The following DMTN variants were observed in gnomAD, a reference collection of about 807,000 sequenced individuals.
DMTN encodes the protein dematin actin binding protein, also known as dematin.
In DMTN, 27 loss-of-function variants were observed where a neutral mutation model predicts 59.4. That is an observed-to-expected ratio of 0.45 (90% confidence interval 0.33 to 0.63). The LOEUF (loss-of-function observed/expected upper bound fraction) is 0.63, where lower values mean the gene tolerates loss of function less well. DMTN is among the 20% of genes least tolerant of loss of function. The pLI is 0.02. For missense variants in DMTN, 451 were observed against 528.9 expected (o/e 0.85, Z 1.45); for synonymous variants, 221 against 203.7 (o/e 1.08, Z -0.72).
rs1224680181 is a variant in DMTN at position 22,080,242 on chromosome 8, C to T, written c.898C>T (p.Arg300Trp). 7.4e-6 allele frequency: 12 copies of T among 1,614,114 alleles called. No homozygotes were observed. Among genetic ancestry groups the T allele is most frequent in the South Asian group, 3.3e-5 (3 of 91,092 alleles). The change falls in exon 11 of 16, where the codon CGG becomes TGG. Residue 300 changes from arginine (R) to tryptophan (W), a missense_variant and splice_region_variant. Coordinates refer to ENST00000358242, the MANE Select transcript of DMTN (RefSeq NM_001387751.1). ...LPAYGRTTLS[R>W]LQSTEFSPSG... is the part of the protein sequence containing the mutation. ...CGCCTATGGCAGGACCACCCTGAGC[C>T]GGGTAAGGTCTCAGGACCAGAGATA...
upstream of DMTN, among the ~76,000 whole-genome samples, chr8:22,050,226 G>A (rs1266541109): frequency 1.3e-5 from 2 of 152,128 alleles, no homozygotes; most frequent in African/African-American, 2.4e-5. Context: ...GGGACTTAAC[G>A]GGGGCAACAC....
chr8:22,062,887 AC>A (rs1807676422), intron 1 of DMTN, among the ~76,000 whole-genome samples: 2 of 151,140 alleles, frequency 1.3e-5, no homozygotes, highest in South Asian at 4.2e-4. Flanking sequence ...ACAAAGACTC[AC>A]TAGAGACTTC....
upstream of DMTN, chr8:22,049,098 C>T (rs1470575022): frequency 6.7e-6 from 1 of 149,790 alleles, no homozygotes; most frequent in African/African-American, 2.4e-5. Flanking sequence ...GGACGTGCAT[C>T]CAGCCGGGCC....
At position 22,058,866 on chromosome 8, in the gene DMTN, G is replaced by A. The variant is rs1326763356; in HGVS notation, c.-172+1730G>A. On this transcript the variant is annotated intron_variant, in intron 1 of 15. Coordinates refer to ENST00000358242, the MANE Select transcript of DMTN (RefSeq NM_001387751.1). This position sits in a 1 kb window ranked among gnomAD's most constrained non-coding sequence, Gnocchi z 4.3. ...CTTCGCCTAAGTAAGGGACACCTCT[G>A]ATGAGCCACTGGCCCAGAGCAGGCC... Among the ~76,000 whole-genome samples the A allele has an allele frequency of 6.6e-6, 1 of 152,220 alleles. No homozygotes were observed. Among genetic ancestry groups the A allele is most frequent in the African/African-American group, 2.4e-5 (1 of 41,466 alleles).
At chr8:22,078,978 T>A (rs1821870862) in intron 10 of DMTN, among the ~76,000 whole-genome samples, 1 of 151,590 alleles carries the variant, frequency 6.6e-6, no homozygotes, top group Admixed American at 6.6e-5. Flanking sequence ...TTTTGTATTT[T>A]TAGTCGAGAC....
intron 1 of DMTN, among the ~76,000 whole-genome samples, chr8:22,063,527 T>C (rs1280448364): frequency 6.6e-6 from 1 of 152,206 alleles, no homozygotes; most frequent in Non-Finnish European, 1.5e-5. Flanking sequence ...AGGGCCTCCA[T>C]GATCTGGCCT....
upstream of DMTN, among the ~76,000 whole-genome samples, chr8:22,049,511 C>A (rs1284014009): frequency 3.3e-5 from 5 of 151,936 alleles, no homozygotes; most frequent in East Asian, 7.8e-4. Flanking sequence ...ATAAAACCCG[C>A]CTCTTCAGTG....
At chr8:22,073,391 C>T (rs1209412573) in intron 9 of DMTN, among the ~76,000 whole-genome samples, 9 of 151,804 alleles carry the variant, frequency 5.9e-5, no homozygotes, top group Admixed American at 1.3e-4. Flanking sequence ...TTAGGGAGGC[C>T]GAGGCAGGAG....
upstream of DMTN, among the ~76,000 whole-genome samples, chr8:22,056,008 C>T (rs1020875541): frequency 4.6e-5 from 7 of 152,156 alleles, no homozygotes; most frequent in Non-Finnish European, 7.3e-5. Flanking sequence ...GGGCGAGGGT[C>T]GAGGGCAAGG....
intron 1 of DMTN, among the ~76,000 whole-genome samples, chr8:22,065,741 A>G (rs958134654): frequency 6.6e-6 from 1 of 151,290 alleles, no homozygotes; most frequent in Non-Finnish European, 1.5e-5. Context: ...AGGCTGAGAC[A>G]GGAGAATCGC....
upstream of DMTN, among the ~76,000 whole-genome samples, chr8:22,055,235 C>G (rs1002388921): frequency 6.6e-6 from 1 of 152,074 alleles, no homozygotes; most frequent in Admixed American, 6.5e-5. Flanking sequence ...CAGAAGACAG[C>G]TCTCCTGGGG....
intron 1 of DMTN, among the ~76,000 whole-genome samples, chr8:22,061,155 C>G (rs575939194): frequency 1.3e-5 from 2 of 151,626 alleles, no homozygotes; most frequent in African/African-American, 2.4e-5. Context: ...TTGTGGAGTA[C>G]TCCTGTAGTC....
rs1377785441 is a variant in DMTN at position 22,067,646 on chromosome 8, C to A, written c.213C>A (p.Ser71=). ...LMIYEPHFTY[S]LLEHVELPRS... ...TCTACGAGCCTCACTTCACTTATTC[C>A]CTCCTGGAACACGTGGAGCTGCCTC... The change falls in exon 4 of 16, where the codon TCC becomes TCA. Residue 71 remains serine, a synonymous_variant. Coordinates refer to ENST00000358242, the MANE Select transcript of DMTN (RefSeq NM_001387751.1). The A allele has an allele frequency of 1.2e-6, 2 of 1,614,136 alleles. No homozygotes were observed. The highest frequency in any genetic ancestry group is 8.5e-7 in the Non-Finnish European group (1 of 1,180,028).
chr8:22,055,732 C>G (rs1802266775), upstream of DMTN, among the ~76,000 whole-genome samples: 1 of 152,116 alleles, frequency 6.6e-6, no homozygotes, highest in Admixed American at 6.5e-5. Context: ...TTCCTCCCTT[C>G]TCTCTGGAGC....
At chr8:22,078,473 A>G (rs942313518) in intron 10 of DMTN, among the ~76,000 whole-genome samples, 1 of 139,998 alleles carries the variant, frequency 7.1e-6, no homozygotes, top group Non-Finnish European at 1.5e-5. Context: ...ATAGTTTTGA[A>G]TCTATGGAGG....
In DMTN at chr8:22,080,187, C is replaced by T; in HGVS notation, c.843C>T (p.His281=). The part of the protein sequence containing the change: ...PDRTPFHTSL[H]QGTSKSSSLP... ...CCTTTTGCTGTCTTCCAGCCTTGCA[C>T]CAGGGAACGTCTAAATCTTCCTCTC... Residue 281 remains histidine, a synonymous_variant, in exon 11 of 16, where the codon CAC becomes CAT. Transcript: ENST00000358242. 6.2e-7 allele frequency: 1 copy of T among 1,614,186 alleles called. No individual in the cohort carries two copies. The highest frequency in any genetic ancestry group is 8.5e-7 in the Non-Finnish European group (1 of 1,180,030).
Position 22,069,040 on chromosome 8 carries a change from TC to T in DMTN, c.281del (p.Pro94HisfsTer137). 7 of 1,610,486 alleles carry T rather than the reference TC, an allele frequency of 4.3e-6. No homozygotes were observed. The highest frequency in any genetic ancestry group is 2.2e-5 in the East Asian group (1 of 44,520). ...RERSLSPKST[S>X]PPPSPEVWAD... The stretch of plus-strand genomic sequence containing the variant: ...GCGCTCGCTGTCACCCAAATCCACA[TC>T]CCCCCCACCATCCCCAGAGGTGAGT... On this transcript the variant is annotated frameshift_variant, in exon 5 of 16. Coordinates refer to ENST00000358242, the MANE Select transcript of DMTN (RefSeq NM_001387751.1). LOFTEE classifies it high-confidence loss of function.
chr8:22,058,924 G>A lies in DMTN; in HGVS notation c.-172+1788G>A, dbSNP rs188293207. The stretch of plus-strand genomic sequence containing the variant: ...CCTGGTGTCCTTTTCCAGTGGCGGG[G>A]GGGTGCGGGGAGCAAGGTGCCCTAC... On this transcript the variant is annotated intron_variant, in intron 1 of 15. Transcript: ENST00000358242. The surrounding 1 kb of genome is among the most constrained non-coding windows in gnomAD (Gnocchi z 4.3). 2.3e-3 allele frequency among the ~76,000 whole-genome samples: 345 copies of A among 152,310 alleles called. 3 individuals carry two copies. Among genetic ancestry groups the A allele is most frequent in the African/African-American group, 7.8e-3 (323 of 41,578 alleles).
chr8:22,061,282 C>CA (rs533576492), intron 1 of DMTN, among the ~76,000 whole-genome samples: 5,509 of 65,752 alleles, frequency 0.084, 179 homozygotes, highest in African/African-American at 0.16. Context: ...GACCCTGTCT[C>CA]AAAAAAAAAA....
Sources: gnomAD v4.1 joint callset for allele counts (sites outside exome capture counted in the v4.1 genomes callset) on GRCh38, gnomAD v4.1.1 for gene constraint, Gnocchi (gnomAD v3.1) non-coding constraint, MANE v1.5 for transcripts, NCBI Gene and HGNC (gene_info 2026-07-23, HGNC 2026-07-21) for gene names.